GNG7: variants seen among roughly 807,000 people sequenced by gnomAD.
GNG7 encodes the protein G protein subunit gamma 7, also known as guanine nucleotide-binding protein G(I)/G(S)/G(O) subunit gamma-7.
GNG7 carries 1 observed loss-of-function variant against 4.0 expected under a neutral mutation model. The ratio of observed to expected loss-of-function variants is 0.25; its 90% confidence interval spans 0.09 to 1.18. The LOEUF is 1.18. GNG7 is among the 50% of genes most tolerant of loss of function. GNG7 has a pLI of 0.50. For missense variants in GNG7, 86 were observed against 91.9 expected (o/e 0.94, Z 0.26); for synonymous variants, 34 against 36.9 (o/e 0.92, Z 0.29).
intron 2 of GNG7, among the ~76,000 whole-genome samples, chr19:2,575,420 G>A (rs956523685): frequency 6.6e-5 from 10 of 152,190 alleles, no homozygotes; most frequent in African/African-American, 1.9e-4. Flanking sequence ...AAAGCTCCAG[G>A]GAAGTGTACA....
At chr19:2,568,395 A>C (rs533571574) in intron 2 of GNG7, among the ~76,000 whole-genome samples, 158 of 107,668 alleles carry the variant, frequency 1.5e-3, no homozygotes, top group African/African-American at 4.5e-3. Context: ...ATACAACACA[A>C]ACACACACAC....
At chr19:2,552,922 T>C (rs371544127) in intron 3 of GNG7, among the ~76,000 whole-genome samples, 1 of 144,442 alleles carries the variant, frequency 6.9e-6, no homozygotes, top group Non-Finnish European at 1.5e-5. Context: ...CCAAAAAGGT[T>C]GAGGACTGCT....
chr19:2,640,594 G>A (rs748932116), intron 2 of GNG7, among the ~76,000 whole-genome samples: 12 of 152,104 alleles, frequency 7.9e-5, no homozygotes, highest in Non-Finnish European at 1.5e-4. Context: ...TAGGGGCTTG[G>A]CCTTCTTTGT....
At chr19:2,536,775 C>T (rs1978749839) in intron 3 of GNG7, among the ~76,000 whole-genome samples, 1 of 152,086 alleles carries the variant, frequency 6.6e-6, no homozygotes, top group East Asian at 1.9e-4. Context: ...TTCCCCTGTG[C>T]TCCACGACAC....
intron 1 of GNG7, among the ~76,000 whole-genome samples, chr19:2,697,864 C>T (rs990929364): frequency 1.7e-4 from 26 of 151,974 alleles, no homozygotes; most frequent in African/African-American, 6.0e-4. Context: ...GGAAGCTACT[C>T]GGGAGGCTGG....
At chr19:2,574,261 T>C (rs72974888) in intron 2 of GNG7, among the ~76,000 whole-genome samples, 12,997 of 152,172 alleles carry the variant, frequency 0.085, 806 homozygotes, top group African/African-American at 0.17. Context: ...GGCTTGGGGC[T>C]TTCAGCCCTT....
chr19:2,645,635 C>T (rs943495260), intron 2 of GNG7, among the ~76,000 whole-genome samples: 2 of 152,200 alleles, frequency 1.3e-5, no homozygotes, highest in Non-Finnish European at 2.9e-5. Flanking sequence ...TCCATTTCCA[C>T]GTCCCTGGCA....
chr19:2,628,450 G>C (rs1471495457), intron 2 of GNG7, among the ~76,000 whole-genome samples: 1 of 152,020 alleles, frequency 6.6e-6, no homozygotes, highest in African/African-American at 2.4e-5. Flanking sequence ...TCACGACATA[G>C]CTGTTTGCTT....
chr19:2,576,719 A>T (rs957975105), intron 2 of GNG7, among the ~76,000 whole-genome samples: 1 of 149,674 alleles, frequency 6.7e-6, no homozygotes, highest in African/African-American at 2.5e-5. Flanking sequence ...GGTAATTTTT[A>T]AAACTTTTTT....
chr19:2,615,524 G>C (rs894427661), intron 2 of GNG7, among the ~76,000 whole-genome samples: 6 of 138,104 alleles, frequency 4.3e-5, no homozygotes, highest in African/African-American at 1.6e-4. Flanking sequence ...GTGCAGTGGT[G>C]CAGTCACAGC....
intron 3 of GNG7, among the ~76,000 whole-genome samples, chr19:2,532,495 C>T (rs753880252): frequency 1.3e-5 from 2 of 152,174 alleles, no homozygotes; most frequent in East Asian, 1.9e-4. Context: ...GATGCAGTGA[C>T]GTCTAATATA....
intron 3 of GNG7, among the ~76,000 whole-genome samples, chr19:2,531,939 C>T (rs1432774765): frequency 6.6e-6 from 1 of 151,942 alleles, no homozygotes; most frequent in East Asian, 1.9e-4. Context: ...ATCATGAGGT[C>T]AGGAGATCAA....
At chr19:2,515,809 G>A (rs1471491862) in intron 4 of GNG7, among the ~76,000 whole-genome samples, 8 of 152,092 alleles carry the variant, frequency 5.3e-5, no homozygotes, top group Non-Finnish European at 1.2e-4. Flanking sequence ...GTGCTGGGGA[G>A]TGATGGCTGA....
chr19:2,532,209 C>T (rs564326572), intron 3 of GNG7, among the ~76,000 whole-genome samples: 2 of 151,134 alleles, frequency 1.3e-5, no homozygotes, highest in Admixed American at 6.6e-5. Flanking sequence ...CACAGGGTTT[C>T]CATATACTGG....
chr19:2,602,732 G>A (rs576161426), intron 2 of GNG7, among the ~76,000 whole-genome samples: 45 of 152,294 alleles, frequency 3.0e-4, no homozygotes, highest in African/African-American at 1.0e-3. Flanking sequence ...GGGCTGGGCA[G>A]AGGGCCACCC....
chr19:2,569,050 CAG>C (rs1309637008), intron 2 of GNG7, among the ~76,000 whole-genome samples: 1 of 151,768 alleles, frequency 6.6e-6, no homozygotes, highest in Non-Finnish European at 1.5e-5. Context: ...AACATATACA[CAG>C]AAGCGCACAC....
At chr19:2,567,908 G>A (rs1406651096) in intron 2 of GNG7, among the ~76,000 whole-genome samples, 1 of 152,170 alleles carries the variant, frequency 6.6e-6, no homozygotes, top group East Asian at 1.9e-4. Flanking sequence ...GCATGGAAGG[G>A]AGAGAAGGGC....
chr19:2,697,994 CG>C (rs1225362721), intron 1 of GNG7, among the ~76,000 whole-genome samples: 3 of 151,648 alleles, frequency 2.0e-5, no homozygotes, highest in South Asian at 2.1e-4. Context: ...AGGCCGGGTG[CG>C]GGGGCTCATG....
At chr19:2,627,989 A>G (rs1599429512) in intron 2 of GNG7, among the ~76,000 whole-genome samples, 1 of 152,370 alleles carries the variant, frequency 6.6e-6, no homozygotes, top group African/African-American at 2.4e-5. Context: ...TGACAGGCAC[A>G]GTTAATGTGA....
Sources: allele counts gnomAD v4.1 joint callset (sites outside exome capture counted in the v4.1 genomes callset), GRCh38; gene constraint gnomAD v4.1.1; transcripts MANE v1.5; gene names NCBI Gene and HGNC (gene_info 2026-07-23, HGNC 2026-07-21).